The following PIEZO1 variants were observed in gnomAD, a reference collection of about 807,000 sequenced individuals.
PIEZO1 encodes piezo-type mechanosensitive ion channel component 1.
A neutral mutation model predicts 297.2 loss-of-function variants in PIEZO1; 296 were observed. That is an observed-to-expected ratio of 1.00 (90% CI 0.91 to 1.10). The LOEUF is 1.10. Ranked by LOEUF, PIEZO1 falls within the 50% of genes least tolerant of loss-of-function variation. The pLI is 0.00. For synonymous variants in PIEZO1, 2,427 were observed against 1,507.5 expected, an observed-to-expected ratio of 1.61 and a Z score of -14.13; for missense variants, 5,018 against 3,455.5, an observed-to-expected ratio of 1.45 and a Z score of -11.34.
At chr16:88,767,452 A>C (rs1356265804) in intron 1 of PIEZO1, among the ~76,000 whole-genome samples, 1 of 152,050 alleles carries the variant, frequency 6.6e-6, no homozygotes, top group Non-Finnish European at 1.5e-5. Context: ...GACCAGCCAC[A>C]AGGTCGAAGC....
chr16:88,743,272 C>T, intron 2 of PIEZO1: 2 of 456,502 alleles, frequency 4.4e-6, no homozygotes, highest in South Asian at 3.1e-5. Flanking sequence ...GTGGACAGCT[C>T]ACCCTTCAGC....
At position 88,734,736 on chromosome 16, in the gene PIEZO1, G is replaced by A. The variant is rs1182537397; in HGVS notation, c.1911C>T (p.Thr637=). The change falls in exon 15 of 51, where the codon ACC becomes ACT. Residue 637 remains threonine (T), a synonymous_variant. Transcript: ENST00000301015. ...TGTAGACGGCGATGAGGACCAGCAT[G>A]GTGTAGGCCACCACGAGCCACCAGA... ...KAFWWLVVAY[T]MLVLIAVYTF... 1.9e-6 allele frequency: 3 copies of A among 1,550,266 alleles called. No individual in the cohort carries two copies. Among genetic ancestry groups the A allele is most frequent in the South Asian group, 2.4e-5 (2 of 84,060 alleles).
intron 22 of PIEZO1, 51 bp downstream of exon 22, chr16:88,731,655 G>A (rs1904816752): frequency 4.9e-6 from 7 of 1,421,216 alleles, no homozygotes; most frequent in South Asian, 3.7e-5. Flanking sequence ...ACCCCCACGG[G>A]CATCCACAAA....
chr16:88,717,077 C>A lies in PIEZO1; in HGVS notation c.6606G>T (p.Gly2202=). 6.4e-7 allele frequency: 1 copy of A among 1,551,102 alleles called. No individual in the cohort carries two copies. Among genetic ancestry groups the A allele is most frequent in the Non-Finnish European group, 8.7e-7 (1 of 1,147,090 alleles). ...TGACATCGATGGGCTGGTTGACAAC[C>A]CCAACCACGGAGCGCACCAGCGACA... The part of the protein sequence containing the change: ...LFMSLVRSVV[G]VVNQPIDVTV... Residue 2202 remains glycine, a synonymous_variant, in exon 45 of 51, where the codon GGG becomes GGT. Coordinates refer to ENST00000301015, the MANE Select transcript of PIEZO1 (RefSeq NM_001142864.4).
rs1265840794 is a variant in PIEZO1 at position 88,726,699 on chromosome 16, G to A, written c.3699+16C>T. 3.6e-5 allele frequency: 55 copies of A among 1,548,166 alleles called. No homozygotes were observed. Among genetic ancestry groups the A allele is most frequent in the Non-Finnish European group, 4.5e-5 (51 of 1,145,416 alleles). ...GGGGCCCCAGGGCGGTGGGTGCGGGGGGGCCGGAGGCTCACCGACAGCATG... is the reference window on the plus strand; with the variant it reads ...GGGGCCCCAGGGCGGTGGGTGCGGGAGGGCCGGAGGCTCACCGACAGCATG... On this transcript the variant is annotated intron_variant, in intron 25 of 50. Transcript: ENST00000301015.
intron 44 of PIEZO1, chr16:88,718,548 T>A (rs1465514366): frequency 6.6e-6 from 1 of 152,288 alleles, no homozygotes; most frequent in Non-Finnish European, 1.5e-5. Context: ...AGAGACACCA[T>A]GCTGAGCAAG....
At position 88,721,584 on chromosome 16, in the gene PIEZO1, T is replaced by G. The variant is rs1437370934; in HGVS notation, c.5357A>C (p.Asp1786Ala). Residue 1786 changes from aspartate to alanine, a missense_variant, in exon 38 of 51, where the codon GAC (aspartate) becomes GCC (alanine). By Grantham distance (126) the Asp-to-Ala change is moderately radical. Transcript: ENST00000301015. ...LEKTDGYIKY[D>A]LVQLMALFFH... ...GAAAAGGGCCATGAGCTGCACCAGG[T>G]CGTACTTGATGTAGCCGTCAGTCTT... The G allele has an allele frequency of 1.3e-6, 2 of 1,549,958 alleles. No individual in the cohort carries two copies. The highest frequency in any genetic ancestry group is 2.0e-5 in the Admixed American group (1 of 50,966).
rs1912042880 is a variant in PIEZO1, at chr16:88,716,488, G to C, written c.6927-5C>G. On this transcript the variant is annotated splice_polypyrimidine_tract_variant and splice_region_variant and intron_variant, in intron 47 of 50. Coordinates refer to ENST00000301015, the MANE Select transcript of PIEZO1 (RefSeq NM_001142864.4). ...GTGCCTCCCTTCGCCAGGTCCCTGG[G>C]GGTGGGAACACAGCGTGACCCACTG... 6.5e-7 allele frequency: 1 copy of C among 1,545,570 alleles called. No homozygotes were observed. The highest frequency in any genetic ancestry group is 2.4e-5 in the East Asian group (1 of 40,880).
intron 25 of PIEZO1, 35 bp from the exon 26 acceptor site, chr16:88,726,678 C>A (rs1567666238): frequency 6.5e-7 from 1 of 1,546,796 alleles, no homozygotes; most frequent in South Asian, 1.2e-5. Context: ...GCCAGCGGGG[C>A]CCCAGGGCGG....
Position 88,717,190 on chromosome 16 carries a change from G to A in PIEZO1, c.6493C>T (p.Gln2165Ter). 1.3e-6 allele frequency: 2 copies of A among 1,549,844 alleles called. No homozygotes were observed. The highest frequency in any genetic ancestry group is 2.4e-5 in the East Asian group (1 of 40,926). Reference protein sequence around the residue: ...TEKKYPQPKGQKKKKIVKYGM... With the variant: ...TEKKYPQPKG ...TACTTGACGATCTTCTTCTTCTTCT[G>A]CCCTTTGGGCTGCGGGTATTTCTGG... Residue 2165 changes from glutamine to a stop codon, truncating the protein, a stop_gained, in exon 45 of 51, where the codon CAG (glutamine) becomes TAG (stop). Transcript: ENST00000301015. LOFTEE classifies it high-confidence loss of function.
Position 88,738,456 on chromosome 16 carries a change from A to C in PIEZO1, c.635-16T>G. On this transcript the variant is annotated splice_polypyrimidine_tract_variant and intron_variant, in intron 6 of 50. Coordinates refer to ENST00000301015, the MANE Select transcript of PIEZO1 (RefSeq NM_001142864.4). ...TGGGCGATGCCTGCGGGGCAGGGGCACACAGGGTGGTACCTGGCCAGTGCC... is the reference window on the plus strand; with the variant it reads ...TGGGCGATGCCTGCGGGGCAGGGGCCCACAGGGTGGTACCTGGCCAGTGCC... 1 of 1,533,852 alleles carries C rather than the reference A, an allele frequency of 6.5e-7. No individual in the cohort carries two copies. The highest frequency in any genetic ancestry group is 8.7e-7 in the Non-Finnish European group (1 of 1,145,154).
At chr16:88,740,210 G>A (rs1905550522) in intron 5 of PIEZO1, 1 of 152,276 alleles carries the variant, frequency 6.6e-6, no homozygotes, top group Non-Finnish European at 1.5e-5. Context: ...GTCGCCCGGG[G>A]GCCCTGCCAG....
intron 1 of PIEZO1, among the ~76,000 whole-genome samples, chr16:88,768,463 G>GT (rs1567692937): frequency 6.6e-6 from 1 of 152,232 alleles, no homozygotes; most frequent in Non-Finnish European, 1.5e-5. Context: ...AAAAAGGGGA[G>GT]TGAGAAAGAC....
In PIEZO1 at chr16:88,785,135, C is replaced by G. The variant is rs1908125363; in HGVS notation, c.-171G>C. ...CCCGCCGGTGCCGACGTCCCGGGCCCGCGCTCGCTCAGGCGACCGCCCTGC... is the reference window on the plus strand; with the variant it reads ...CCCGCCGGTGCCGACGTCCCGGGCCGGCGCTCGCTCAGGCGACCGCCCTGC... On this transcript the variant is annotated 5_prime_UTR_variant, in exon 1 of 51. Transcript: ENST00000301015. The G allele has an allele frequency of 2.9e-6, 1 of 341,400 alleles. No homozygotes were observed. The highest frequency in any genetic ancestry group is 1.4e-4 in the South Asian group (1 of 7,202). The allele number at this position is 341,400 out of a possible 1,614,324, so 21.1% of individuals were successfully genotyped here.
intron 1 of PIEZO1, among the ~76,000 whole-genome samples, chr16:88,782,305 G>T (rs1048249325): frequency 1.3e-5 from 2 of 152,084 alleles, no homozygotes; most frequent in South Asian, 4.2e-4. Context: ...TAGAGATGGG[G>T]ATCTCTACGT....
At chr16:88,763,489 G>C (rs1252955667) in intron 1 of PIEZO1, among the ~76,000 whole-genome samples, 1 of 152,192 alleles carries the variant, frequency 6.6e-6, no homozygotes, top group Non-Finnish European at 1.5e-5. Context: ...ACCAACCTGG[G>C]CAACACAGGA....
rs116658413 is a variant in PIEZO1 at position 88,738,804 on chromosome 16, T to C, written c.466-68A>G. ...TGACGCCACCTCTCCAGCCCACACC[T>C]GCCCAGCCAGGAGCGTGGGAGGCGG... On this transcript the variant is annotated intron_variant, in intron 5 of 50. Transcript: ENST00000301015. 4 of 1,403,480 alleles carry C rather than the reference T, an allele frequency of 2.9e-6. No homozygotes were observed. In the African/African-American group the frequency reaches 5.7e-5, roughly 20 times the overall value. The allele number at this position is 1,403,480 out of a possible 1,614,324, so 86.9% of individuals were successfully genotyped here.
chr16:88,721,467 T>G, intron 38 of PIEZO1, 37 bp from the exon 39 acceptor site: 1 of 1,538,294 alleles, frequency 6.5e-7, no homozygotes, highest in South Asian at 1.2e-5. Flanking sequence ...GGGCCTTGCC[T>G]CCCTGGTGGA....
At chr16:88,720,893 G>GAGA in intron 39 of PIEZO1, 145 bp from the exon 40 acceptor site, 2 of 1,041,396 alleles carry the variant, frequency 1.9e-6, no homozygotes, top group South Asian at 3.5e-5. Context: ...CACTGGCAAG[G>GAGA]AGACAGCTGG....
Sources: gnomAD v4.1 joint callset for allele counts (sites outside exome capture counted in the v4.1 genomes callset) on GRCh38, gnomAD v4.1.1 for gene constraint, MANE v1.5 for transcripts, NCBI Gene and HGNC (gene_info 2026-07-23, HGNC 2026-07-21) for gene names.